Variants in DEFA4 observed in about 807,000 individuals in gnomAD.
DEFA4 encodes corticostatin.
Under a neutral mutation model 4.4 loss-of-function variants are expected in DEFA4, and 8 were observed. That is an observed-to-expected ratio of 1.82 (90% confidence interval 1.07 to 3.29). DEFA4 has a LOEUF of 3.29. Among genes scored for constraint, DEFA4 ranks in the 30% most tolerant of loss-of-function variants. DEFA4 has a pLI of 0.00. For missense variants in DEFA4, 216 were observed against 127.0 expected (o/e 1.70, Z -3.37); for synonymous variants, 77 against 46.5 (o/e 1.66, Z -2.67).
rs768972564 is a variant in DEFA4, at chr8:6,936,836, G to A, written c.64C>T (p.Leu22Phe). 13 of 1,613,516 alleles carry A rather than the reference G, an allele frequency of 8.1e-6. No individual in the cohort carries two copies. The highest frequency in any genetic ancestry group is 1.3e-5 in the African/African-American group (1 of 75,036). The change falls in exon 2 of 3, where the codon CTC (leucine) becomes TTC (phenylalanine). Residue 22 changes from leucine (L) to phenylalanine (F), a missense_variant. By Grantham distance (22) the Leu-to-Phe change is conservative. Coordinates refer to ENST00000297435, the MANE Select transcript of DEFA4 (RefSeq NM_001925.3). The part of the protein sequence containing the change: ...LVALQVRAGP[L>F]QARGDEAPGQ... The stretch of plus-strand genomic sequence containing the variant: ...GGAGCCTCATCACCTCTTGCCTGGA[G>A]TGGGCCTGCCCGGACCTGGAGGGCT...
At position 6,936,750 on chromosome 8, in the gene DEFA4, T is replaced by C. The variant is rs1340314019; in HGVS notation, c.150A>G (p.Lys50=). Residue 50 remains lysine (K), a synonymous_variant, in exon 2 of 3, where the codon AAA becomes AAG. Coordinates refer to ENST00000297435, the MANE Select transcript of DEFA4 (RefSeq NM_001925.3). ...CACCTGAAACCTGAAGAGCAGAGCT[T>C]TTATCCCATGCAAAGGAAATAGATA... The part of the protein sequence containing the change: ...QDISISFAWD[K]SSALQVSGST... The C allele has an allele frequency of 6.2e-7, 1 of 1,610,002 alleles. No homozygotes were observed. The highest frequency in any genetic ancestry group is 1.7e-5 in the Admixed American group (1 of 59,756).
At chr8:6,937,567 G>A (rs2741678) in intron 1 of DEFA4, among the ~76,000 whole-genome samples, 61,515 of 151,932 alleles carry the variant, frequency 0.4, 12,843 homozygotes, top group Middle Eastern at 0.52. Flanking sequence ...TTCTCTCACA[G>A]CATGTAAAAA....
chr8:6,938,159 G>A (rs757388395), intron 1 of DEFA4, 67 bp downstream of exon 1: 2 of 152,120 alleles, frequency 1.3e-5, no homozygotes, highest in Non-Finnish European at 2.9e-5. Flanking sequence ...ACAGTGAGAG[G>A]TCAGACTGGG....
Position 6,935,985 on chromosome 8 carries a change from G to C in DEFA4, c.*35C>G. 4 of 1,611,762 alleles carry C rather than the reference G, an allele frequency of 2.5e-6. 1 individual carries two copies. In the South Asian group the frequency reaches 3.3e-5, roughly 13 times the overall value. The stretch of plus-strand genomic sequence containing the variant: ...TGAAGCTAACACCACCGATGATGGC[G>C]TTCCCAGCATGACATTCTCTTGGAC... On this transcript the variant is annotated 3_prime_UTR_variant, in exon 3 of 3. Transcript: ENST00000297435.
intron 2 of DEFA4, 128 bp downstream of exon 2, chr8:6,936,600 G>C: frequency 1.1e-6 from 1 of 931,452 alleles, no homozygotes; most frequent in Non-Finnish European, 1.5e-6. Context: ...TTGGAGATAA[G>C]AAAATCGAGG....
At position 6,935,988 on chromosome 8, in the gene DEFA4, C is replaced by A; in HGVS notation, c.*32G>T. ...AGCTAACACCACCGATGATGGCGTTCCCAGCATGACATTCTCTTGGACAGC... is the reference window on the plus strand; with the variant it reads ...AGCTAACACCACCGATGATGGCGTTACCAGCATGACATTCTCTTGGACAGC... On this transcript the variant is annotated 3_prime_UTR_variant, in exon 3 of 3. Transcript: ENST00000297435. 1 of 1,612,208 alleles carries A rather than the reference C, an allele frequency of 6.2e-7. No individual in the cohort carries two copies. The highest frequency in any genetic ancestry group is 8.5e-7 in the Non-Finnish European group (1 of 1,178,468).
At chr8:6,938,116 G>A (rs1025693960) in intron 1 of DEFA4, 110 bp downstream of exon 1, 3 of 152,210 alleles carry the variant, frequency 2.0e-5, no homozygotes, top group Admixed American at 1.3e-4. Context: ...CACAGCAGGG[G>A]CTTCACCCGC....
At chr8:6,936,232 C>A (rs149651417) in intron 2 of DEFA4, 91 bp from the exon 3 acceptor site, 6 of 1,546,754 alleles carry the variant, frequency 3.9e-6, no homozygotes, top group Admixed American at 1.7e-5. Context: ...GCTGGCTGAC[C>A]GGTGATGCTG....
At chr8:6,936,243 G>T in intron 2 of DEFA4, 102 bp from the exon 3 acceptor site, 1 of 1,484,584 alleles carries the variant, frequency 6.7e-7, no homozygotes. Flanking sequence ...GGTGATGCTG[G>T]CTGCATTAGT....
chr8:6,936,822 A>G lies in DEFA4; in HGVS notation c.78T>C (p.Gly26=). ...GCTGCTCCTGGCCTGGAGCCTCATC[A>G]CCTCTTGCCTGGAGTGGGCCTGCCC... ...QVRAGPLQAR[G]DEAPGQEQRG... Residue 26 remains glycine, a synonymous_variant, in exon 2 of 3, where the codon GGT becomes GGC. Transcript: ENST00000297435. The G allele has an allele frequency of 6.2e-7, 1 of 1,613,436 alleles. No homozygotes were observed. Among genetic ancestry groups the G allele is most frequent in the Non-Finnish European group, 8.5e-7 (1 of 1,179,736 alleles).
chr8:6,938,124 C>G (rs1383312452), intron 1 of DEFA4, 102 bp downstream of exon 1: 1 of 152,220 alleles, frequency 6.6e-6, no homozygotes, highest in African/African-American at 2.4e-5. Context: ...GGGCTTCACC[C>G]GCTGGGTCCC....
rs907877986 is a variant in DEFA4, at chr8:6,936,086, T to G, written c.228A>C (p.Glu76Asp). Reference sequence around the variant, plus strand: ...CAATGAGGCAGTTCCCAACACGAAGTTCTGTTCGCCGGCAGAATACTAATC... The same window carrying G: ...CAATGAGGCAGTTCCCAACACGAAGGTCTGTTCGCCGGCAGAATACTAATC... Reference protein sequence around the residue: ...SCRLVFCRRTELRVGNCLIGG... With the variant: ...SCRLVFCRRTDLRVGNCLIGG... The change falls in exon 3 of 3, where the codon GAA becomes GAC. Residue 76 changes from glutamate to aspartate, a missense_variant. By Grantham distance (45) the Glu-to-Asp change is conservative. Coordinates refer to ENST00000297435, the MANE Select transcript of DEFA4 (RefSeq NM_001925.3). The G allele has an allele frequency of 8.1e-6, 13 of 1,613,894 alleles. No homozygotes were observed. Among genetic ancestry groups the G allele is most frequent in the Non-Finnish European group, 1.0e-5 (12 of 1,180,018 alleles).
Position 6,936,871 on chromosome 8 carries a change from A to C in DEFA4, c.29T>G (p.Ile10Ser). Residue 10 changes from isoleucine to serine, a missense_variant, in exon 2 of 3, where the codon ATT becomes AGT. By Grantham distance (142) the Ile-to-Ser change is moderately radical. Transcript: ENST00000297435. Reference sequence around the variant, plus strand: ...CCGGACCTGGAGGGCTACCAAGAGAATAGCAGCGAGGAGGGCGATAATCCT... The same window carrying C: ...CCGGACCTGGAGGGCTACCAAGAGACTAGCAGCGAGGAGGGCGATAATCCT... Reference protein sequence around the residue: MRIIALLAAILLVALQVRAG... With the variant: MRIIALLAASLLVALQVRAG... 6.2e-7 allele frequency: 1 copy of C among 1,610,950 alleles called. No homozygotes were observed. The highest frequency in any genetic ancestry group is 2.2e-5 in the East Asian group (1 of 44,782).
chr8:6,937,046 A>C (rs1022232523), intron 1 of DEFA4, 135 bp from the exon 2 acceptor site: 2 of 698,360 alleles, frequency 2.9e-6, no homozygotes, highest in African/African-American at 1.8e-5. Context: ...TTTGTTAGAG[A>C]GGATGCCGAC....
At position 6,936,744 on chromosome 8, in the gene DEFA4, A is replaced by G. The variant is rs1345493991; in HGVS notation, c.156T>C (p.Ser52=). ...ISISFAWDKS[S]ALQVSGSTRG... is the part of the protein sequence containing the mutation. ...CTCTCTCACCTGAAACCTGAAGAGC[A>G]GAGCTTTTATCCCATGCAAAGGAAA... The change falls in exon 2 of 3, where the codon TCT becomes TCC. Residue 52 remains serine (S), a synonymous_variant. Transcript: ENST00000297435. The G allele has an allele frequency of 2.5e-6, 4 of 1,603,498 alleles. No homozygotes were observed. The highest frequency in any genetic ancestry group is 2.6e-6 in the Non-Finnish European group (3 of 1,173,796).
In DEFA4 at chr8:6,936,057, C is replaced by T. The variant is rs373619174; in HGVS notation, c.257G>A (p.Gly86Asp). The T allele has an allele frequency of 5.0e-6, 8 of 1,613,968 alleles. No individual in the cohort carries two copies. Among genetic ancestry groups the T allele is most frequent in the Non-Finnish European group, 5.9e-6 (7 of 1,179,986 alleles). ...ELRVGNCLIG[G>D]VSFTYCCTRV... Reference sequence around the variant, plus strand: ...CGTGCAGCAGTATGTGAAACTCACACCACCAATGAGGCAGTTCCCAACACG... The same window carrying T: ...CGTGCAGCAGTATGTGAAACTCACATCACCAATGAGGCAGTTCCCAACACG... The change falls in exon 3 of 3, where the codon GGT (glycine) becomes GAT (aspartate). Residue 86 changes from glycine (G) to aspartate (D), a missense_variant. Coordinates refer to ENST00000297435, the MANE Select transcript of DEFA4 (RefSeq NM_001925.3).
chr8:6,937,745 C>T (rs141999105), intron 1 of DEFA4, among the ~76,000 whole-genome samples: 5 of 152,072 alleles, frequency 3.3e-5, no homozygotes, highest in Non-Finnish European at 7.4e-5. Context: ...AATAGACAAG[C>T]GGGGCTGCAT....
chr8:6,936,296 A>G (rs1808847983), intron 2 of DEFA4, among the ~76,000 whole-genome samples, 155 bp from the exon 3 acceptor site: 1 of 152,180 alleles, frequency 6.6e-6, no homozygotes, highest in Non-Finnish European at 1.5e-5. Flanking sequence ...ATAAATACAC[A>G]GAGCAATGCT....
rs1016806441 is a variant in DEFA4, at chr8:6,936,853, T to G, written c.47A>C (p.Gln16Pro). The G allele has an allele frequency of 1.9e-6, 3 of 1,612,488 alleles. No individual in the cohort carries two copies. Among genetic ancestry groups the G allele is most frequent in the Non-Finnish European group, 2.5e-6 (3 of 1,179,262 alleles). ...LLAAILLVAL[Q>P]VRAGPLQARG... is the part of the protein sequence containing the mutation. ...TGCCTGGAGTGGGCCTGCCCGGACC[T>G]GGAGGGCTACCAAGAGAATAGCAGC... Residue 16 changes from glutamine to proline, a missense_variant, in exon 2 of 3, where the codon CAG (glutamine) becomes CCG (proline). By Grantham distance (76) the Gln-to-Pro change is moderately conservative. Coordinates refer to ENST00000297435, the MANE Select transcript of DEFA4 (RefSeq NM_001925.3).
Sources: gnomAD v4.1 joint callset for allele counts (sites outside exome capture counted in the v4.1 genomes callset) on GRCh38, gnomAD v4.1.1 for gene constraint, MANE v1.5 for transcripts, NCBI Gene and HGNC (gene_info 2026-07-23, HGNC 2026-07-21) for gene names.